Variants in SV2A observed in about 807,000 individuals in gnomAD.
SV2A encodes the protein solute carrier family 22 member B1.
In SV2A, 25 loss-of-function variants were observed where a neutral mutation model predicts 78.0. The observed-to-expected ratio is 0.32, with a 90% CI of 0.23 to 0.45. SV2A has a LOEUF of 0.45. SV2A is among the 20% of genes least tolerant of loss of function. The probability of loss-of-function intolerance (pLI) is 1.00; values close to 1 mark genes in which losing one functional copy is unlikely to be tolerated. For missense variants in SV2A, 752 were observed against 971.5 expected (o/e 0.77, Z 3.00); for synonymous variants, 355 against 384.7 (o/e 0.92, Z 0.90).
At chr1:149,905,223 A>G (rs1553762545) in intron 12 of SV2A, 26 bp from the exon 13 acceptor site, 10 of 1,589,840 alleles carry the variant, frequency 6.3e-6, no homozygotes, top group Admixed American at 3.6e-5. Context: ...CCAGTGCAGC[A>G]CGGCGCAAGG....
Position 149,910,064 on chromosome 1 carries a change from C to A in SV2A, c.1090-174G>T, listed in dbSNP as rs1238965878. 3.3e-5 allele frequency among the ~76,000 whole-genome samples: 5 copies of A among 152,258 alleles called. No individual in the cohort carries two copies. The highest frequency in any genetic ancestry group is 2.6e-4 in the Admixed American group (4 of 15,296). On this transcript the variant is annotated intron_variant, in intron 5 of 12. Transcript: ENST00000369146. The surrounding 1 kb of genome is among the most constrained non-coding windows in gnomAD (Gnocchi z 4.2). ...CATGCACTCACCACTCTGAAAGAGCCCCAAGCTGAGGTATAGCAAGACAAT... is the reference window on the plus strand; with the variant it reads ...CATGCACTCACCACTCTGAAAGAGCACCAAGCTGAGGTATAGCAAGACAAT...
At chr1:149,905,615 G>A in intron 12 of SV2A, 1 of 379,954 alleles carries the variant, frequency 2.6e-6, no homozygotes, top group South Asian at 3.2e-5. Context: ...CTAACTTTTT[G>A]TATTTTTAGT....
rs782547867 is a variant in SV2A, at chr1:149,906,849, G to A, written c.1686C>T (p.Phe562=). The A allele has an allele frequency of 9.3e-6, 15 of 1,614,064 alleles. No individual in the cohort carries two copies. Among genetic ancestry groups the A allele is most frequent in the South Asian group, 3.3e-5 (3 of 91,080 alleles). Residue 562 remains phenylalanine (F), a synonymous_variant, in exon 11 of 13, where the codon TTC becomes TTT. Transcript: ENST00000369146. ...INTVFYNTDL[F]EYKFVNSRLI... ...GACGGCTGTTCACAAACTTGTACTCGAACAGGTCTGTGGGCAAAGGCCAAG... is the reference window on the plus strand; with the variant it reads ...GACGGCTGTTCACAAACTTGTACTCAAACAGGTCTGTGGGCAAAGGCCAAG...
chr1:149,907,000 A>C (rs1571497477), intron 10 of SV2A, 144 bp from the exon 11 acceptor site: 2 of 1,473,802 alleles, frequency 1.4e-6, no homozygotes, highest in East Asian at 5.0e-5. Flanking sequence ...ACAAAACATC[A>C]AATAACATCA....
chr1:149,911,391 C>A (rs749885748), intron 3 of SV2A, among the ~76,000 whole-genome samples: 28 of 152,168 alleles, frequency 1.8e-4, no homozygotes, highest in Non-Finnish European at 3.7e-4. Flanking sequence ...AGGGGCAGTG[C>A]GGACAAGGCG....
In SV2A at chr1:149,909,575, G is replaced by A; in HGVS notation, c.1180-4C>T. On this transcript the variant is annotated splice_region_variant and splice_polypyrimidine_tract_variant and intron_variant, in intron 6 of 12. Transcript: ENST00000369146. ...GAATCGTCTTAATGTGGGTTACCTG[G>A]GGTCAAGAGAAGGGGTGGGCAGTCA... 6.2e-7 allele frequency: 1 copy of A among 1,613,432 alleles called. No homozygotes were observed. The highest frequency in any genetic ancestry group is 8.5e-7 in the Non-Finnish European group (1 of 1,179,450).
chr1:149,915,738 G>A (rs782286914), intron 1 of SV2A, among the ~76,000 whole-genome samples: 7 of 152,124 alleles, frequency 4.6e-5, no homozygotes, highest in Non-Finnish European at 1.0e-4. Context: ...GGGTTTGGGT[G>A]TCCCCCCAAA....
rs1553763816 is a variant in SV2A at position 149,911,806 on chromosome 1, C to G, written c.797G>C (p.Gly266Ala). The G allele has an allele frequency of 6.2e-7, 1 of 1,613,878 alleles. No individual in the cohort carries two copies. Among genetic ancestry groups the G allele is most frequent in the Admixed American group, 1.7e-5 (1 of 60,002 alleles). Residue 266 changes from glycine to alanine, a missense_variant, in exon 3 of 13, where the codon GGG becomes GCG. Physicochemically the swap from Gly to Ala is moderately conservative, Grantham distance 60. Coordinates refer to ENST00000369146, the MANE Select transcript of SV2A (RefSeq NM_014849.5). ...TTAGGAAGTGTACACTCACCCAACC[C>G]CAGAAAGTAGGCGGCAGAAGAGGAA... Reference protein sequence around the residue: ...GTFLFCRLLSGVGIGGSIPIV... With the variant: ...GTFLFCRLLSAVGIGGSIPIV...
At position 149,910,867 on chromosome 1, in the gene SV2A, A is replaced by C; in HGVS notation, c.914T>G (p.Val305Gly). 6.2e-7 allele frequency: 1 copy of C among 1,614,226 alleles called. No individual in the cohort carries two copies. The highest frequency in any genetic ancestry group is 8.5e-7 in the Non-Finnish European group (1 of 1,180,050). Residue 305 changes from valine (V) to glycine (G), a missense_variant, in exon 4 of 13, where the codon GTG (valine) becomes GGG (glycine). Coordinates refer to ENST00000369146, the MANE Select transcript of SV2A (RefSeq NM_014849.5). The surrounding 1 kb of genome is among the most constrained non-coding windows in gnomAD (Gnocchi z 4.2). ...WLCMFWMIGG[V>G]YAAAMAWAII... Reference sequence around the variant, plus strand: ...GGCCCAGGCCATAGCAGCTGCGTACACGCCACCAATCATCCAAAACATGCA... The same window carrying C: ...GGCCCAGGCCATAGCAGCTGCGTACCCGCCACCAATCATCCAAAACATGCA...
intron 1 of SV2A, among the ~76,000 whole-genome samples, chr1:149,915,770 G>A (rs1263448148): frequency 6.6e-6 from 1 of 152,142 alleles, no homozygotes; most frequent in Non-Finnish European, 1.5e-5. Flanking sequence ...CCAGAGGAAG[G>A]CATGGGATAG....
intron 12 of SV2A, chr1:149,905,425 G>T (rs762041162): frequency 2.7e-5 from 12 of 442,914 alleles, no homozygotes; most frequent in Non-Finnish European, 4.0e-5. Flanking sequence ...ACTTTGAGGA[G>T]TAGATACAAA....
rs1387891628 is a variant in SV2A, at chr1:149,904,005, C to T, written c.*1009G>A. On this transcript the variant is annotated 3_prime_UTR_variant, in exon 13 of 13. Transcript: ENST00000369146. ...GACCAGATGCCTGGTTTCTTTCCCT[C>T]CCCTGCTCCCCTCCCTGTGAGGGGA... The T allele has an allele frequency of 6.5e-6, 1 of 152,772 alleles. No individual in the cohort carries two copies. The highest frequency in any genetic ancestry group is 2.4e-5 in the African/African-American group (1 of 41,432). 9.5% of individuals were successfully genotyped at this position (152,772 alleles called of 1,614,324 possible). A position where few individuals can be genotyped will look rare whatever the true frequency, so the allele number is the denominator to read the frequency against.
At position 149,913,591 on chromosome 1, in the gene SV2A, T is replaced by C; in HGVS notation, c.250A>G (p.Thr84Ala). Residue 84 changes from threonine to alanine, a missense_variant, in exon 2 of 13, where the codon ACT becomes GCT. Around this residue, in one of 7 missense-constraint regions of SV2A, gnomAD observed 291 missense variants for 359.5 expected, o/e 0.81. Coordinates refer to ENST00000369146, the MANE Select transcript of SV2A (RefSeq NM_014849.5). ...TCATCATCCTCGTCATGGCCCTCAG[T>C]AGCATCACTGGATGCACCACCTTCC... is the stretch of plus-strand genomic sequence containing the variant. Reference protein sequence around the residue: ...EEEGGASSDATEGHDEDDEIY... With the variant: ...EEEGGASSDAAEGHDEDDEIY... 1 of 1,614,046 alleles carries C rather than the reference T, an allele frequency of 6.2e-7. No homozygotes were observed. The highest frequency in any genetic ancestry group is 2.2e-5 in the East Asian group (1 of 44,860).
rs1286103059 is a variant in SV2A at position 149,904,260 on chromosome 1, G to A, written c.*754C>T. The A allele has an allele frequency of 6.5e-6, 1 of 152,698 alleles. No individual in the cohort carries two copies. Among genetic ancestry groups the A allele is most frequent in the African/African-American group, 2.4e-5 (1 of 41,450 alleles). 9.5% of individuals were successfully genotyped at this position (152,698 alleles called of 1,614,324 possible). A position where few individuals can be genotyped will look rare whatever the true frequency, so the allele number is the denominator to read the frequency against. On this transcript the variant is annotated 3_prime_UTR_variant, in exon 13 of 13. Coordinates refer to ENST00000369146, the MANE Select transcript of SV2A (RefSeq NM_014849.5). Reference sequence around the variant, plus strand: ...TTAGGGGAGGAACTGTGGGAGGCAGGGTTGTGTGTGCATCCGCTGAAATTA... The same window carrying A: ...TTAGGGGAGGAACTGTGGGAGGCAGAGTTGTGTGTGCATCCGCTGAAATTA...
chr1:149,906,132 C>T (rs1553762709), intron 11 of SV2A, 93 bp from the exon 12 acceptor site: 1 of 1,485,146 alleles, frequency 6.7e-7, no homozygotes, highest in Non-Finnish European at 9.1e-7. Context: ...TTCAGATAGC[C>T]CAGGATGAGA....
intron 2 of SV2A, among the ~76,000 whole-genome samples, chr1:149,912,186 A>C (rs1389351148): frequency 6.6e-6 from 1 of 152,164 alleles, no homozygotes; most frequent in Non-Finnish European, 1.5e-5. Context: ...GGCAGGAATG[A>C]AGATATGGGA....
chr1:149,914,728 G>A (rs1553764344), intron 1 of SV2A, among the ~76,000 whole-genome samples: 1 of 152,176 alleles, frequency 6.6e-6, no homozygotes. Context: ...AGCTTCCAGA[G>A]TCACAAAGAC....
intron 3 of SV2A, 72 bp downstream of exon 3, chr1:149,911,728 C>A: frequency 6.8e-7 from 1 of 1,472,182 alleles, no homozygotes; most frequent in South Asian, 1.3e-5. Context: ...TGGCACTGTG[C>A]TGGGCCCTAA....
At position 149,909,140 on chromosome 1, in the gene SV2A, C is replaced by T. The variant is rs1215814172; in HGVS notation, c.1379+52G>A. The T allele has an allele frequency of 1.1e-5, 18 of 1,569,318 alleles. No homozygotes were observed. The Middle Eastern group carries it at 8.3e-4, about 72-fold the overall frequency. ...TCCATTCTCCCCACCTCTCTCCCAGCCCACACACCACCACAACCACCACAC... is the reference window on the plus strand; with the variant it reads ...TCCATTCTCCCCACCTCTCTCCCAGTCCACACACCACCACAACCACCACAC... On this transcript the variant is annotated intron_variant, in intron 8 of 12. Transcript: ENST00000369146.
Sources: gnomAD v4.1 joint callset for allele counts (sites outside exome capture counted in the v4.1 genomes callset) on GRCh38, gnomAD v4.1.1 for gene constraint, gnomAD v4.1.1 regional missense constraint, Gnocchi (gnomAD v3.1) non-coding constraint, MANE v1.5 for transcripts, NCBI Gene and HGNC (gene_info 2026-07-23, HGNC 2026-07-21) for gene names.